HGSNAT: variants seen among roughly 807,000 people sequenced by gnomAD.
The protein encoded by HGSNAT is heparan-alpha-glucosaminide N-acetyltransferase, also known as transmembrane protein 76.
In HGSNAT, 59 loss-of-function variants were observed where a neutral mutation model predicts 85.2. The observed-to-expected ratio is 0.69, with a 90% CI of 0.56 to 0.86. HGSNAT has a LOEUF of 0.86. HGSNAT is among the 40% of genes least tolerant of loss of function. The pLI, the probability that HGSNAT is intolerant of heterozygous loss-of-function variation, is 0.00. For missense variants in HGSNAT, 756 were observed against 777.1 expected, an observed-to-expected ratio of 0.97 and a Z score of 0.32; for synonymous variants, 321 against 304.5, an observed-to-expected ratio of 1.05 and a Z score of -0.56.
chr8:43,152,183 T>C lies in HGSNAT; in HGVS notation c.234+5120T>C, dbSNP rs147938421. Among the ~76,000 whole-genome samples, 1,485 of 152,086 alleles carry C rather than the reference T, an allele frequency of 9.8e-3. 26 individuals carry two copies. The highest frequency in any genetic ancestry group is 0.033 in the African/African-American group (1,373 of 41,482). On this transcript the variant is annotated intron_variant, in intron 2 of 17. Transcript: ENST00000379644. ...GTGGGCGCTTGTAGTACCAGTTACT[T>C]GGGAGGCTGAGGCAGGAGAATCACT...
At chr8:43,183,355 C>T (rs559174121) in intron 11 of HGSNAT, among the ~76,000 whole-genome samples, 23 of 151,794 alleles carry the variant, frequency 1.5e-4, no homozygotes, top group Non-Finnish European at 2.2e-4. Flanking sequence ...ATTGTAGAGA[C>T]GAGGTTTCAC....
chr8:43,151,230 G>A (rs949010094), intron 2 of HGSNAT, among the ~76,000 whole-genome samples: 7 of 152,232 alleles, frequency 4.6e-5, no homozygotes, highest in African/African-American at 1.7e-4. Context: ...GCTGAATAAT[G>A]TCAGGGAGTG....
At chr8:43,179,705 G>C (rs1313112876) in intron 10 of HGSNAT, among the ~76,000 whole-genome samples, 1 of 10,864 alleles carries the variant, frequency 9.2e-5, no homozygotes, top group African/African-American at 4.4e-4. Flanking sequence ...CTGGCCAGGT[G>C]GGGGGATGAC....
Position 43,180,102 on chromosome 8 carries a change from A to ACC in HGSNAT, c.1012+1878_1012+1879dup, listed in dbSNP as rs1226414577. On this transcript the variant is annotated intron_variant, in intron 10 of 17. Transcript: ENST00000379644. ...CCCTCCCGGACGGGGCGGCTGGCCG[A>ACC]CCCCCCCCCCCACCGCCTCCCTCCC... Among the ~76,000 whole-genome samples, 60 of 10,774 alleles carry ACC rather than the reference A, an allele frequency of 5.6e-3. 14 individuals carry two copies. Among genetic ancestry groups the ACC allele is most frequent in the Admixed American group, 8.5e-3 (14 of 1,654 alleles). The allele number at this position is 10,774 out of a possible 152,430, so 7.1% of individuals were successfully genotyped here. A position where few individuals can be genotyped will look rare whatever the true frequency, so the allele number is the denominator to read the frequency against.
chr8:43,190,618 C>T (rs1243201861), intron 11 of HGSNAT, among the ~76,000 whole-genome samples: 2 of 152,188 alleles, frequency 1.3e-5, no homozygotes, highest in Non-Finnish European at 2.9e-5. Context: ...TGGGCCATCA[C>T]CATAGGGTCA....
At chr8:43,157,347 G>T (rs553829934) in intron 2 of HGSNAT, among the ~76,000 whole-genome samples, 3 of 152,150 alleles carry the variant, frequency 2.0e-5, no homozygotes, top group Non-Finnish European at 4.4e-5. Context: ...AAGCTGGTGA[G>T]AAATAAATAT....
At position 43,202,458 on chromosome 8, in the gene HGSNAT, G is replaced by A. The variant is rs1804946525; in HGVS notation, c.*2889G>A. Reference sequence around the variant, plus strand: ...GGAGTGTGTTGGGGTAAGGGGTAGAGCAGAGGAATGGTCAGGGGGCAACAA... The same window carrying A: ...GGAGTGTGTTGGGGTAAGGGGTAGAACAGAGGAATGGTCAGGGGGCAACAA... On this transcript the variant is annotated 3_prime_UTR_variant, in exon 18 of 18. Coordinates refer to ENST00000379644, the MANE Select transcript of HGSNAT (RefSeq NM_152419.3). The A allele has an allele frequency of 6.6e-6, 1 of 152,252 alleles. No individual in the cohort carries two copies. The highest frequency in any genetic ancestry group is 2.4e-5 in the African/African-American group (1 of 41,450). 9.4% of individuals were successfully genotyped at this position (152,252 alleles called of 1,614,324 possible).
chr8:43,197,300 C>T (rs182097681), intron 15 of HGSNAT: 140 of 539,980 alleles, frequency 2.6e-4, no homozygotes, highest in Non-Finnish European at 3.8e-4. Flanking sequence ...TGTGGAGAGG[C>T]GTATCAGAGA....
intron 7 of HGSNAT, among the ~76,000 whole-genome samples, chr8:43,171,326 T>G (rs1183722349): frequency 6.6e-6 from 1 of 152,146 alleles, no homozygotes; most frequent in African/African-American, 2.4e-5. Context: ...CCCTGGCAGG[T>G]AGATTGGAAG....
intron 2 of HGSNAT, among the ~76,000 whole-genome samples, chr8:43,153,223 T>G (rs1419743605): frequency 1.3e-5 from 2 of 152,064 alleles, no homozygotes; most frequent in Non-Finnish European, 2.9e-5. Context: ...GAACCTAGAG[T>G]ATTATAACTA....
chr8:43,197,406 G>A (rs1467955884), intron 15 of HGSNAT: 6 of 546,054 alleles, frequency 1.1e-5, no homozygotes, highest in South Asian at 2.4e-5. Context: ...CATCCTGACC[G>A]CAGCCATGCC....
intron 1 of HGSNAT, among the ~76,000 whole-genome samples, chr8:43,141,288 AGCCGCC>A (rs545919735): frequency 1.3e-5 from 2 of 151,726 alleles, no homozygotes; most frequent in African/African-American, 2.4e-5. Context: ...GTGACTGGGA[AGCCGCC>A]GCCGCCGCCG....
rs1248085510 is a variant in HGSNAT at position 43,172,176 on chromosome 8, C to T, written c.744-134C>T. On this transcript the variant is annotated intron_variant, in intron 7 of 17. Transcript: ENST00000379644. ...TCGCTTCTTGGCCTTGATGTCTCAT[C>T]TTGTGTAATAAAATGCTCAGTAGAA... 4.0e-6 allele frequency: 3 copies of T among 743,372 alleles called. No homozygotes were observed. The Admixed American group carries it at 5.9e-5, about 15-fold the overall frequency. 46.0% of individuals were successfully genotyped at this position (743,372 alleles called of 1,614,324 possible). A position where few individuals can be genotyped will look rare whatever the true frequency, so the allele number is the denominator to read the frequency against.
chr8:43,188,699 T>C (rs2130798625), intron 11 of HGSNAT, among the ~76,000 whole-genome samples: 1 of 152,366 alleles, frequency 6.6e-6, no homozygotes, highest in Non-Finnish European at 1.5e-5. Context: ...GGCGAGGTGC[T>C]GCGTTCCTTT....
At chr8:43,180,227 G>C (rs1454377875) in intron 10 of HGSNAT, 1 of 112,818 alleles carries the variant, frequency 8.9e-6, no homozygotes, top group African/African-American at 3.4e-5. Context: ...CTGGCCGGGC[G>C]GGGGGCTGAC....
At chr8:43,198,163 C>T (rs568889015) in intron 17 of HGSNAT, among the ~76,000 whole-genome samples, 17 of 152,102 alleles carry the variant, frequency 1.1e-4, no homozygotes, top group Non-Finnish European at 2.1e-4. Flanking sequence ...ACCCCATTTT[C>T]ACCGTGTAGG....
rs1322609439 is a variant in HGSNAT, at chr8:43,197,904, G to C, written c.1678G>C (p.Val560Leu). 1 of 1,613,888 alleles carries C rather than the reference G, an allele frequency of 6.2e-7. No individual in the cohort carries two copies. The highest frequency in any genetic ancestry group is 1.3e-5 in the African/African-American group (1 of 74,934). Residue 560 changes from valine (V) to leucine (L), a missense_variant, in exon 17 of 18, where the codon GTT (valine) becomes CTT (leucine). Coordinates refer to ENST00000379644, the MANE Select transcript of HGSNAT (RefSeq NM_152419.3). ...AFFILLVLYP[V>L]VDVKGLWTGT... ...CTTCATCCTGCTGGTCCTGTACCCA[G>C]TTGTGGATGTGAAGGGGCTGTGGAC... is the stretch of plus-strand genomic sequence containing the variant.
intron 9 of HGSNAT, among the ~76,000 whole-genome samples, chr8:43,175,856 C>T (rs542996737): frequency 7.7e-4 from 117 of 152,052 alleles, no homozygotes; most frequent in African/African-American, 2.7e-3. Flanking sequence ...CGTGAGCCAC[C>T]GAGCCCGGCC....
At position 43,140,569 on chromosome 8, in the gene HGSNAT, C is replaced by G. The variant is rs1361871235; in HGVS notation, c.73C>G (p.Pro25Ala). 6.5e-6 allele frequency: 8 copies of G among 1,224,276 alleles called. No individual in the cohort carries two copies. Among genetic ancestry groups the G allele is most frequent in the East Asian group, 4.0e-5 (1 of 25,304 alleles). 75.8% of individuals were successfully genotyped at this position (1,224,276 alleles called of 1,614,324 possible). ...ASVLSAALLA[P>A]GGSSGRDAQA... ...CGTGCTGAGCGCCGCGCTGCTGGCCCCCGGCGGCTCTTCGGGGCGCGATGC... is the reference window on the plus strand; with the variant it reads ...CGTGCTGAGCGCCGCGCTGCTGGCCGCCGGCGGCTCTTCGGGGCGCGATGC... Residue 25 changes from proline (P) to alanine (A), a missense_variant, in exon 1 of 18, where the codon CCC becomes GCC. Transcript: ENST00000379644.
Sources: allele counts gnomAD v4.1 joint callset (sites outside exome capture counted in the v4.1 genomes callset), GRCh38; gene constraint gnomAD v4.1.1; transcripts MANE v1.5; gene names NCBI Gene and HGNC (gene_info 2026-07-23, HGNC 2026-07-21).